PDE11A: variants seen among roughly 807,000 people sequenced by gnomAD.
The protein encoded by PDE11A is dual 3',5'-cyclic-AMP and -GMP phosphodiesterase 11A.
In PDE11A, 100 loss-of-function variants were observed where a neutral mutation model predicts 100.5. The observed-to-expected ratio is 1.00, with a 90% CI of 0.85 to 1.18. PDE11A has a LOEUF of 1.18. Among genes scored for constraint, PDE11A ranks in the 50% most tolerant of loss-of-function variants. The pLI, the probability that PDE11A is intolerant of heterozygous loss-of-function variation, is 0.00. For missense variants in PDE11A, 1,141 were observed against 1,152.6 expected (o/e 0.99, Z 0.15); for synonymous variants, 381 against 420.8 (o/e 0.91, Z 1.16).
At chr2:177,789,348 C>A (rs1200385512) in intron 9 of PDE11A, among the ~76,000 whole-genome samples, 1 of 152,038 alleles carries the variant, frequency 6.6e-6, no homozygotes, top group Non-Finnish European at 1.5e-5. Flanking sequence ...ATGCTTCATG[C>A]TAAAAACTCT....
chr2:177,677,013 C>T (rs2080786370), intron 16 of PDE11A, among the ~76,000 whole-genome samples: 1 of 152,208 alleles, frequency 6.6e-6, no homozygotes, highest in Admixed American at 6.5e-5. Context: ...GGGGACAAGA[C>T]TGGCTAAAGC....
chr2:177,733,851 G>A (rs1048296800), intron 10 of PDE11A, among the ~76,000 whole-genome samples: 27 of 152,270 alleles, frequency 1.8e-4, no homozygotes, highest in African/African-American at 5.8e-4. Context: ...TGATGTTCAC[G>A]AGAACCCTAA....
At position 177,895,825 on chromosome 2, in the gene PDE11A, T is replaced by C. The variant is rs1436893646; in HGVS notation, c.1302+2233A>G. On this transcript the variant is annotated intron_variant, in intron 4 of 19. Coordinates refer to ENST00000286063, the MANE Select transcript of PDE11A (RefSeq NM_016953.4). Reference sequence around the variant, plus strand: ...GATAGAAGGACTATGTTTTTGATTATACATATACATTACAAATTATACATT... The same window carrying C: ...GATAGAAGGACTATGTTTTTGATTACACATATACATTACAAATTATACATT... 3.3e-5 allele frequency among the ~76,000 whole-genome samples: 5 copies of C among 152,184 alleles called. 1 individual carries two copies. Among genetic ancestry groups the C allele is most frequent in the Admixed American group, 2.0e-4 (3 of 15,276 alleles).
intron 19 of PDE11A, among the ~76,000 whole-genome samples, chr2:177,643,171 G>A (rs1054256959): frequency 2.0e-5 from 3 of 152,220 alleles, no homozygotes; most frequent in Non-Finnish European, 2.9e-5. Context: ...ACCCGAATAT[G>A]TGGAAGCAAC....
At chr2:177,740,784 T>C (rs2081860599) in intron 10 of PDE11A, among the ~76,000 whole-genome samples, 1 of 152,254 alleles carries the variant, frequency 6.6e-6, no homozygotes, top group South Asian at 2.1e-4. Flanking sequence ...TGTGAATCTG[T>C]CTCTCATCAT....
chr2:178,018,369 T>TTTGGCACACTTGACTTTAAC (rs71010849), intron 1 of PDE11A: 271,369 of 370,194 alleles, frequency 0.73, 89,222 homozygotes, highest in East Asian at 0.84. Context: ...AGGCAGGCCT[T>TTTGGCACACTTGACTTTAAC]TTGGCACACT....
chr2:177,751,411 G>A (rs1424512363), intron 10 of PDE11A, among the ~76,000 whole-genome samples: 2 of 152,154 alleles, frequency 1.3e-5, no homozygotes, highest in African/African-American at 4.8e-5. Context: ...AAAAAATGAT[G>A]AGAACCTCTG....
At chr2:178,087,771 T>G (rs2105882077) in intron 2 of PDE11A, among the ~76,000 whole-genome samples, 1 of 152,302 alleles carries the variant, frequency 6.6e-6, no homozygotes, top group Non-Finnish European at 1.5e-5. Flanking sequence ...TTTCAAACAT[T>G]TTCTAACCTT....
At chr2:177,833,802 A>G (rs1211271585) in intron 6 of PDE11A, among the ~76,000 whole-genome samples, 1 of 152,234 alleles carries the variant, frequency 6.6e-6, no homozygotes, top group Admixed American at 6.5e-5. Context: ...TAGAGGCAGG[A>G]GGCAGACAAA....
At chr2:177,996,092 T>C (rs1161106439) in intron 2 of PDE11A, among the ~76,000 whole-genome samples, 1 of 151,916 alleles carries the variant, frequency 6.6e-6, no homozygotes, top group Non-Finnish European at 1.5e-5. Context: ...CTGGGTGTGG[T>C]GGTGGGTGCC....
intron 2 of PDE11A, among the ~76,000 whole-genome samples, chr2:178,000,384 C>G (rs1336096982): frequency 6.6e-6 from 1 of 152,174 alleles, no homozygotes; most frequent in Non-Finnish European, 1.5e-5. Flanking sequence ...TTTTGCTATA[C>G]ATAGGAAAAT....
intron 10 of PDE11A, among the ~76,000 whole-genome samples, chr2:177,767,578 T>C (rs1408065267): frequency 1.3e-5 from 2 of 152,216 alleles, no homozygotes; most frequent in African/African-American, 4.8e-5. Flanking sequence ...AATTGAACTT[T>C]ATTGGCTAAC....
At chr2:177,919,683 T>C (rs1297471239) in intron 2 of PDE11A, among the ~76,000 whole-genome samples, 1 of 151,968 alleles carries the variant, frequency 6.6e-6, no homozygotes, top group African/African-American at 2.4e-5. Flanking sequence ...TATTTCTCAA[T>C]AAAAAGATAT....
chr2:177,958,132 C>A (rs1364908805), intron 2 of PDE11A, among the ~76,000 whole-genome samples: 1 of 152,082 alleles, frequency 6.6e-6, no homozygotes, highest in Non-Finnish European at 1.5e-5. Context: ...CTCAGGTGAT[C>A]CACCTGCCTC....
At chr2:178,042,814 C>T (rs200476910) in intron 1 of PDE11A, among the ~76,000 whole-genome samples, 1 of 73,460 alleles carries the variant, frequency 1.4e-5, no homozygotes, top group African/African-American at 2.9e-5. Context: ...AAGTTAAAAA[C>T]AAACAAACAA....
chr2:177,741,659 G>T (rs892330145), intron 10 of PDE11A, among the ~76,000 whole-genome samples: 1 of 152,126 alleles, frequency 6.6e-6, no homozygotes, highest in Non-Finnish European at 1.5e-5. Context: ...TCTCTTTAGG[G>T]AACTGCACCA....
chr2:177,992,948 C>A (rs2086022008), intron 2 of PDE11A, among the ~76,000 whole-genome samples: 1 of 151,930 alleles, frequency 6.6e-6, no homozygotes, highest in African/African-American at 2.4e-5. Flanking sequence ...ACTCTCATGG[C>A]TGAAATATAT....
chr2:177,758,375 C>A (rs1268671643), intron 10 of PDE11A, among the ~76,000 whole-genome samples: 1 of 151,346 alleles, frequency 6.6e-6, no homozygotes, highest in Non-Finnish European at 1.5e-5. Context: ...AAAAATCCTG[C>A]ACAGATGTTG....
chr2:178,100,563 C>T (rs1474930173), intron 2 of PDE11A, among the ~76,000 whole-genome samples: 1 of 152,124 alleles, frequency 6.6e-6, no homozygotes, highest in Non-Finnish European at 1.5e-5. Context: ...AGTAAACTTA[C>T]TTTAAAATCC....
Sources: allele counts gnomAD v4.1 joint callset (sites outside exome capture counted in the v4.1 genomes callset), GRCh38; gene constraint gnomAD v4.1.1; transcripts MANE v1.5; gene names NCBI Gene and HGNC (gene_info 2026-07-23, HGNC 2026-07-21).